Variants in MAN1A1 observed in about 807,000 individuals in gnomAD.
MAN1A1 encodes the protein mannosyl-oligosaccharide 1,2-alpha-mannosidase IA.
MAN1A1 carries 29 observed loss-of-function variants against 70.8 expected under a neutral mutation model. The observed-to-expected ratio is 0.41, with a 90% confidence interval of 0.31 to 0.56. The LOEUF (loss-of-function observed/expected upper bound fraction) is 0.56, where lower values mean the gene tolerates loss of function less well. MAN1A1 is among the 20% of genes least tolerant of loss of function. The pLI is 0.29. For missense variants in MAN1A1, 747 were observed against 841.3 expected (o/e 0.89, Z 1.39); for synonymous variants, 349 against 330.1 (o/e 1.06, Z -0.62).
In MAN1A1 at chr6:119,199,804, CG is replaced by C. The variant is rs531336168; in HGVS notation, c.1210+1449del. 2.8e-3 allele frequency among the ~76,000 whole-genome samples: 420 copies of C among 151,664 alleles called. 4 individuals carry two copies. Among genetic ancestry groups the C allele is most frequent in the African/African-American group, 9.4e-3 (388 of 41,364 alleles). On this transcript the variant is annotated intron_variant, in intron 8 of 12. Coordinates refer to ENST00000368468, the MANE Select transcript of MAN1A1 (RefSeq NM_005907.4). Reference sequence around the variant, plus strand: ...TCGTGCACCTGTAGTCCCAGCTACTCGGGGCGGGGGGCCGAGGTGGGAAGAT... The same window carrying C: ...TCGTGCACCTGTAGTCCCAGCTACTCGGGCGGGGGGCCGAGGTGGGAAGAT...
chr6:119,210,917 T>A, intron 6 of MAN1A1: 1 of 456,420 alleles, frequency 2.2e-6, no homozygotes. Context: ...GCCCTTGGGA[T>A]ATTGCACATC....
intron 5 of MAN1A1, among the ~76,000 whole-genome samples, chr6:119,279,052 C>G (rs116379599): frequency 6.6e-6 from 1 of 152,090 alleles, no homozygotes. Context: ...TAGACTCTGG[C>G]AAAATCCCCC....
At chr6:119,333,137 G>A (rs1773365281) in intron 2 of MAN1A1, among the ~76,000 whole-genome samples, 1 of 152,204 alleles carries the variant, frequency 6.6e-6, no homozygotes, top group South Asian at 2.1e-4. Context: ...CACGGGTGAT[G>A]CATGAGATTT....
At chr6:119,229,814 G>A (rs1774627564) in intron 6 of MAN1A1, among the ~76,000 whole-genome samples, 1 of 152,112 alleles carries the variant, frequency 6.6e-6, no homozygotes, top group Non-Finnish European at 1.5e-5. Context: ...CAGTTTTTTG[G>A]TAACTGGACT....
intron 11 of MAN1A1, among the ~76,000 whole-genome samples, chr6:119,185,919 A>T (rs1311399493): frequency 6.7e-6 from 1 of 150,122 alleles, no homozygotes; most frequent in South Asian, 2.1e-4. Context: ...AAAAAATCAC[A>T]CTGCGAAGAG....
chr6:119,335,594 T>C (rs868315222), intron 2 of MAN1A1, among the ~76,000 whole-genome samples: 3 of 152,160 alleles, frequency 2.0e-5, no homozygotes, highest in Non-Finnish European at 4.4e-5. Flanking sequence ...AAAGATAACA[T>C]ATATGCACAC....
chr6:119,238,047 ACAGT>A (rs750938674), intron 6 of MAN1A1, among the ~76,000 whole-genome samples: 8 of 152,182 alleles, frequency 5.3e-5, no homozygotes, highest in Non-Finnish European at 1.0e-4. Context: ...TTTCTTAAAC[ACAGT>A]CAGCACAGTT....
At chr6:119,337,226 T>C (rs1200753372) in intron 2 of MAN1A1, among the ~76,000 whole-genome samples, 1 of 152,158 alleles carries the variant, frequency 6.6e-6, no homozygotes, top group Non-Finnish European at 1.5e-5. Context: ...AGTCTCTTTA[T>C]TCACTAGGTC....
At chr6:119,215,641 T>C (rs753526910) in intron 6 of MAN1A1, among the ~76,000 whole-genome samples, 5 of 152,228 alleles carry the variant, frequency 3.3e-5, no homozygotes, top group African/African-American at 4.8e-5. Context: ...ATATATCTTA[T>C]GGTTGGGATG....
chr6:119,316,952 T>A (rs1259650192), intron 2 of MAN1A1, among the ~76,000 whole-genome samples: 2 of 121,286 alleles, frequency 1.6e-5, no homozygotes, highest in African/African-American at 9.3e-5. Flanking sequence ...ATTATTATTC[T>A]TTTTTTTTTT....
In MAN1A1 at chr6:119,229,223, A is replaced by C. The variant is rs541933121; in HGVS notation, c.992+19037T>G. 6.3e-3 allele frequency among the ~76,000 whole-genome samples: 955 copies of C among 152,112 alleles called. 16 individuals are homozygous for C. The highest frequency in any genetic ancestry group is 0.022 in the African/African-American group (908 of 41,518). On this transcript the variant is annotated intron_variant, in intron 6 of 12. Coordinates refer to ENST00000368468, the MANE Select transcript of MAN1A1 (RefSeq NM_005907.4). Reference sequence around the variant, plus strand: ...AAACTGTGTTCTGAGACAAAAAAAAAAAAAACAAAAAATGCAGATCAGAAA... The same window carrying C: ...AAACTGTGTTCTGAGACAAAAAAAACAAAAACAAAAAATGCAGATCAGAAA...
chr6:119,256,449 A>G (rs1294297911), intron 5 of MAN1A1, among the ~76,000 whole-genome samples: 1 of 147,656 alleles, frequency 6.8e-6, no homozygotes, highest in African/African-American at 2.5e-5. Context: ...ACTCTCATTC[A>G]TTCCCTAGTT....
chr6:119,292,005 A>T (rs1208925905), intron 4 of MAN1A1, among the ~76,000 whole-genome samples: 1 of 152,034 alleles, frequency 6.6e-6, no homozygotes, highest in Non-Finnish European at 1.5e-5. Context: ...TTTGAAGTTC[A>T]GACAACTAAT....
At chr6:119,184,336 T>C (rs1305832664) in intron 11 of MAN1A1, among the ~76,000 whole-genome samples, 1 of 152,240 alleles carries the variant, frequency 6.6e-6, no homozygotes, top group Non-Finnish European at 1.5e-5. Context: ...GATATGAGAA[T>C]GTTTATAATG....
intron 2 of MAN1A1, among the ~76,000 whole-genome samples, chr6:119,345,195 G>T (rs1185210571): frequency 8.3e-6 from 1 of 120,852 alleles, no homozygotes; most frequent in Admixed American, 8.8e-5. Flanking sequence ...AGGTTGAGGG[G>T]GGGGCGGAGC....
intron 5 of MAN1A1, among the ~76,000 whole-genome samples, chr6:119,275,735 C>T (rs1776043480): frequency 6.6e-6 from 1 of 152,196 alleles, no homozygotes; most frequent in Admixed American, 6.5e-5. Flanking sequence ...AGCCACTGTG[C>T]CCGGCAACTG....
intron 5 of MAN1A1, among the ~76,000 whole-genome samples, chr6:119,266,725 G>GA (rs1382192731): frequency 6.6e-6 from 1 of 152,020 alleles, no homozygotes; most frequent in Non-Finnish European, 1.5e-5. Flanking sequence ...ATCCATGAAA[G>GA]AAAAAATTTG....
At chr6:119,335,831 C>T (rs545055878) in intron 2 of MAN1A1, among the ~76,000 whole-genome samples, 1 of 152,168 alleles carries the variant, frequency 6.6e-6, no homozygotes, top group African/African-American at 2.4e-5. Flanking sequence ...AAGCACAGTC[C>T]TTCCTGGGAA....
At chr6:119,311,495 A>G (rs1772700368) in intron 2 of MAN1A1, among the ~76,000 whole-genome samples, 1 of 152,182 alleles carries the variant, frequency 6.6e-6, no homozygotes. Flanking sequence ...CTTTCATAAA[A>G]TCTTAGTTGT....
Sources: gnomAD v4.1 joint callset for allele counts (sites outside exome capture counted in the v4.1 genomes callset) on GRCh38, gnomAD v4.1.1 for gene constraint, MANE v1.5 for transcripts, NCBI Gene and HGNC (gene_info 2026-07-23, HGNC 2026-07-21) for gene names.